Variants in RPS6KA3 observed in about 807,000 individuals in gnomAD.
RPS6KA3 encodes ribosomal protein S6 kinase A3, also known as ribosomal protein S6 kinase alpha-3.
A neutral mutation model predicts 67.2 loss-of-function variants in RPS6KA3; 4 were observed. That is an observed-to-expected ratio of 0.06 (90% CI 0.03 to 0.14). The LOEUF (loss-of-function observed/expected upper bound fraction) is 0.14, where lower values mean the gene tolerates loss of function less well. Ranked by LOEUF, RPS6KA3 falls within the 10% of genes least tolerant of loss-of-function variation. The pLI is 1.00. For missense variants in RPS6KA3, 204 were observed against 559.0 expected (o/e 0.36, Z 6.40); for synonymous variants, 182 against 183.7 (o/e 0.99, Z 0.07).
chrX:20,187,497 CTCG>C (rs2068016670), intron 9 of RPS6KA3, among the ~76,000 whole-genome samples: 1 of 112,141 alleles, frequency 8.9e-6, no homozygotes, highest in African/African-American at 3.2e-5. Flanking sequence ...AGCCACTGCA[CTCG>C]GCCAAACGAA....
chrX:20,194,051 G>T (rs1379451559), intron 6 of RPS6KA3, 138 bp downstream of exon 6: 4 of 450,786 alleles, frequency 8.9e-6, no homozygotes, highest in Admixed American at 8.5e-5. Context: ...GGTAGGAAAA[G>T]AACTCTTTTT....
chrX:20,198,692 C>G (rs916471976), intron 4 of RPS6KA3, among the ~76,000 whole-genome samples: 1 of 111,944 alleles, frequency 8.9e-6, no homozygotes, highest in Non-Finnish European at 1.9e-5. Context: ...GATGAAAAGA[C>G]TTAAAAACAT....
intron 2 of RPS6KA3, among the ~76,000 whole-genome samples, chrX:20,220,577 T>C (rs2068965415): frequency 8.9e-6 from 1 of 112,181 alleles, no homozygotes; most frequent in African/African-American, 3.2e-5. Flanking sequence ...GTAGCAGTCA[T>C]TGACTTTATT....
At chrX:20,250,607 C>G (rs781483911) in intron 1 of RPS6KA3, among the ~76,000 whole-genome samples, 1 of 112,027 alleles carries the variant, frequency 8.9e-6, no homozygotes, top group East Asian at 2.8e-4. Context: ...ATTTTATGAT[C>G]AAGAAAAAAT....
At chrX:20,193,391 G>T (rs2068192549) in intron 7 of RPS6KA3, 96 bp downstream of exon 7, 1 of 528,587 alleles carries the variant, frequency 1.9e-6, no homozygotes, top group Non-Finnish European at 3.3e-6. Flanking sequence ...GCACGCTAGT[G>T]CAATACTGTG....
At position 20,266,844 on chromosome X, in the gene RPS6KA3, CAG is replaced by C; in HGVS notation, c.-214_-213del. The C allele has an allele frequency of 2.5e-6, 1 of 402,191 alleles. No individual in the cohort carries two copies. Among genetic ancestry groups the C allele is most frequent in the Non-Finnish European group, 3.2e-6 (1 of 317,128 alleles). The allele number at this position is 402,191 out of a possible 1,213,427, so 33.1% of individuals were successfully genotyped here. ...ACCGCCCGAAAGCCGCGCGCCTGGC[CAG>C]AGACGCCCGCGCGCTGAGCGAGAGC... On this transcript the variant is annotated 5_prime_UTR_variant, in exon 1 of 22. Transcript: ENST00000379565.
intron 17 of RPS6KA3, among the ~76,000 whole-genome samples, chrX:20,165,282 T>C (rs2067404991): frequency 8.9e-6 from 1 of 111,777 alleles, no homozygotes; most frequent in Non-Finnish European, 1.9e-5. Context: ...CTCCCTCCTC[T>C]TTGTCCAACT....
At chrX:20,183,751 T>C (rs1372496856) in intron 10 of RPS6KA3, among the ~76,000 whole-genome samples, 1 of 112,315 alleles carries the variant, frequency 8.9e-6, no homozygotes, top group Non-Finnish European at 1.9e-5. Context: ...TATTATCATA[T>C]TAGAATCAGT....
chrX:20,245,510 G>A (rs981479145), intron 1 of RPS6KA3, among the ~76,000 whole-genome samples: 1 of 111,497 alleles, frequency 9.0e-6, no homozygotes, highest in Non-Finnish European at 1.9e-5. Flanking sequence ...CAGATTAAGG[G>A]AACTTAAAGC....
At chrX:20,163,444 T>C (rs1404895090) in intron 18 of RPS6KA3, among the ~76,000 whole-genome samples, 1 of 103,313 alleles carries the variant, frequency 9.7e-6, no homozygotes, top group African/African-American at 3.9e-5. Flanking sequence ...GTACGAACTA[T>C]GAGAAATACA....
chrX:20,158,256 T>C (rs1276213740), intron 20 of RPS6KA3, among the ~76,000 whole-genome samples: 3 of 106,997 alleles, frequency 2.8e-5, no homozygotes, highest in Non-Finnish European at 5.8e-5. Context: ...TCCCGGCTGT[T>C]CAGGAGGCTG....
At chrX:20,178,325 T>C (rs891268504) in intron 10 of RPS6KA3, among the ~76,000 whole-genome samples, 1 of 111,428 alleles carries the variant, frequency 9.0e-6, no homozygotes, top group African/African-American at 3.3e-5. Context: ...CAAATTTTAC[T>C]GAATAACATT....
Position 20,204,010 on chromosome X carries a change from A to G in RPS6KA3, c.325+12T>C, listed in dbSNP as rs374273686. 1.2e-5 allele frequency: 14 copies of G among 1,168,973 alleles called. No individual in the cohort carries two copies. The highest frequency in any genetic ancestry group is 1.6e-5 in the Non-Finnish European group (14 of 856,269). The stretch of plus-strand genomic sequence containing the variant: ...AGACTACATGAACATTACAAATAGC[A>G]GCAACACTTACCTTTCAGTGTGGCC... On this transcript the variant is annotated intron_variant, in intron 4 of 21. Coordinates refer to ENST00000379565, the MANE Select transcript of RPS6KA3 (RefSeq NM_004586.3).
rs2070397289 is a variant in RPS6KA3 at position 20,266,662 on chromosome X, C to T, written c.-30G>A. Reference sequence around the variant, plus strand: ...CCCCCCGGCCCGCCGCCTTCACCGCCTCCTCCCTCCCCGCCCGCCCCACGG... The same window carrying T: ...CCCCCCGGCCCGCCGCCTTCACCGCTTCCTCCCTCCCCGCCCGCCCCACGG... On this transcript the variant is annotated 5_prime_UTR_variant, in exon 1 of 22. Transcript: ENST00000379565. The T allele has an allele frequency of 1.8e-6, 2 of 1,087,210 alleles. No homozygotes were observed. The highest frequency in any genetic ancestry group is 4.0e-5 in the South Asian group (2 of 50,015). 89.6% of individuals were successfully genotyped at this position (1,087,210 alleles called of 1,213,427 possible).
At position 20,266,718 on chromosome X, in the gene RPS6KA3, A is replaced by ACGGCAGCGGCGGCGGCGGCGG. The variant is rs1555972528; in HGVS notation, c.-107_-87dup. On this transcript the variant is annotated 5_prime_UTR_variant, in exon 1 of 22. Transcript: ENST00000379565. ...CCCGCTCCGTCGCCGCCCGAGCCCCACGGCAGCGGCGGCGGCGGCGGCGGC... is the reference window on the plus strand; with the variant it reads ...CCCGCTCCGTCGCCGCCCGAGCCCCACGGCAGCGGCGGCGGCGGCGGCGGCAGCGGCGGCGGCGGCGGCGGC... 4 of 580,746 alleles carry ACGGCAGCGGCGGCGGCGGCGG rather than the reference A, an allele frequency of 6.9e-6. No individual in the cohort carries two copies. In the Admixed American group the frequency reaches 3.9e-4, roughly 56 times the overall value. 47.9% of individuals were successfully genotyped at this position (580,746 alleles called of 1,213,427 possible).
At chrX:20,192,144 T>C (rs1216212582) in intron 7 of RPS6KA3, among the ~76,000 whole-genome samples, 1 of 111,266 alleles carries the variant, frequency 9.0e-6, no homozygotes, top group Admixed American at 9.6e-5. Context: ...CTCGTGCTTA[T>C]ATGCTTATAA....
At chrX:20,169,727 T>A in intron 15 of RPS6KA3, 2 of 407,585 alleles carry the variant, frequency 4.9e-6, no homozygotes, top group East Asian at 8.5e-5. Context: ...GCCTCTCCAA[T>A]CTAAGTTTGT....
intron 1 of RPS6KA3, among the ~76,000 whole-genome samples, chrX:20,238,287 T>C (rs1378040535): frequency 9.0e-6 from 1 of 111,588 alleles, no homozygotes; most frequent in African/African-American, 3.2e-5. Context: ...TAAACTTATG[T>C]TAATGCAGTT....
intron 2 of RPS6KA3, among the ~76,000 whole-genome samples, chrX:20,214,839 T>TC (rs1207148956): frequency 9.4e-6 from 1 of 106,299 alleles, no homozygotes; most frequent in African/African-American, 3.6e-5. Context: ...TTTTCTTTTT[T>TC]TCTTTTTTTT....
Sources: gnomAD v4.1 joint callset for allele counts (sites outside exome capture counted in the v4.1 genomes callset) on GRCh38, gnomAD v4.1.1 for gene constraint, MANE v1.5 for transcripts, NCBI Gene and HGNC (gene_info 2026-07-23, HGNC 2026-07-21) for gene names.